Variants in KCNT2 observed in about 807,000 individuals in gnomAD.
KCNT2 encodes the protein potassium channel subfamily T member 2.
A neutral mutation model predicts 153.8 loss-of-function variants in KCNT2; 67 were observed. That is an observed-to-expected ratio of 0.44 (90% confidence interval 0.36 to 0.53). The LOEUF (loss-of-function observed/expected upper bound fraction) is 0.53. Among genes scored for constraint, KCNT2 ranks in the 20% least tolerant of loss-of-function variants. KCNT2 has a pLI of 0.00. For synonymous variants in KCNT2, 500 were observed against 458.8 expected, an observed-to-expected ratio of 1.09 and a Z score of -1.15; for missense variants, 975 against 1,354.8, an observed-to-expected ratio of 0.72 and a Z score of 4.40.
chr1:196,604,789 A>G (rs1665133230), intron 1 of KCNT2, among the ~76,000 whole-genome samples: 1 of 151,930 alleles, frequency 6.6e-6, no homozygotes, highest in South Asian at 2.1e-4. Flanking sequence ...CATACAATAT[A>G]CAATATTTTA....
Position 196,355,040 on chromosome 1 carries a change from C to T in KCNT2, c.1404-12812G>A, listed in dbSNP as rs188294233. 2.0e-3 allele frequency among the ~76,000 whole-genome samples: 303 copies of T among 151,502 alleles called. 6 individuals carry two copies. The East Asian group carries it at 0.041, about 21-fold the overall frequency. On this transcript the variant is annotated intron_variant, in intron 14 of 27. Transcript: ENST00000294725. Reference sequence around the variant, plus strand: ...GGAAAGGTAAATATAATTTACGGTACGGGGGTATGTGGGGTACACAGAAGC... The same window carrying T: ...GGAAAGGTAAATATAATTTACGGTATGGGGGTATGTGGGGTACACAGAAGC...
Position 196,541,271 on chromosome 1 carries a change from G to GA in KCNT2, c.96-48931dup, listed in dbSNP as rs758060836. 4.6e-5 allele frequency among the ~76,000 whole-genome samples: 7 copies of GA among 151,490 alleles called. No individual in the cohort carries two copies. The East Asian group carries it at 1.2e-3, about 25-fold the overall frequency. On this transcript the variant is annotated intron_variant, in intron 1 of 27. Transcript: ENST00000294725. ...TTAAATCAATATGTTGAATACATTT[G>GA]AAAAAAACAGAAATAAAATGAATTA...
intron 8 of KCNT2, among the ~76,000 whole-genome samples, chr1:196,458,811 T>C (rs557684303): frequency 2.0e-5 from 3 of 151,918 alleles, no homozygotes; most frequent in African/African-American, 7.2e-5. Flanking sequence ...CAGGAATAAA[T>C]AATGCTTAAT....
rs756502745 is a variant in KCNT2, at chr1:196,481,454, T to C, written c.324+877A>G. ...TAACATTGCACTTGTACCCCATAAA[T>C]GTATACAACTTTATGAATAAATAAA... On this transcript the variant is annotated intron_variant, in intron 4 of 27. Coordinates refer to ENST00000294725, the MANE Select transcript of KCNT2 (RefSeq NM_198503.5). 5.5e-4 allele frequency among the ~76,000 whole-genome samples: 84 copies of C among 152,210 alleles called. 1 individual carries two copies. Among genetic ancestry groups the C allele is most frequent in the Non-Finnish European group, 2.9e-4 (20 of 68,024 alleles).
chr1:196,281,858 G>A (rs148442577), intron 24 of KCNT2, among the ~76,000 whole-genome samples: 2,327 of 151,378 alleles, frequency 0.015, 22 homozygotes, highest in Middle Eastern at 0.038. Context: ...CTGGGTTCAC[G>A]CCATTCTCAG....
chr1:196,321,487 C>G (rs1663308811), intron 19 of KCNT2, among the ~76,000 whole-genome samples: 1 of 151,948 alleles, frequency 6.6e-6, no homozygotes, highest in Admixed American at 6.6e-5. Flanking sequence ...CAAATTTAAT[C>G]ATTGTTATGC....
chr1:196,335,672 G>A (rs934919995), intron 16 of KCNT2, among the ~76,000 whole-genome samples: 1 of 152,042 alleles, frequency 6.6e-6, no homozygotes, highest in Non-Finnish European at 1.5e-5. Flanking sequence ...ATAATAACAT[G>A]AACTGAAGAA....
At chr1:196,590,125 C>T (rs149987234) in intron 1 of KCNT2, among the ~76,000 whole-genome samples, 107 of 152,214 alleles carry the variant, frequency 7.0e-4, no homozygotes, top group African/African-American at 2.6e-3. Context: ...AAAGTAAACA[C>T]ACTGTGACCC....
chr1:196,502,658 G>A (rs1320522771), intron 1 of KCNT2, among the ~76,000 whole-genome samples: 1 of 151,984 alleles, frequency 6.6e-6, no homozygotes, highest in Non-Finnish European at 1.5e-5. Flanking sequence ...ATAGTCTTGT[G>A]GTTTCCATGG....
chr1:196,394,857 G>C (rs1464048922), intron 13 of KCNT2, among the ~76,000 whole-genome samples: 1 of 151,344 alleles, frequency 6.6e-6, no homozygotes, highest in Non-Finnish European at 1.5e-5. Flanking sequence ...AGTTGATTTA[G>C]TAGACACCTA....
chr1:196,372,498 A>G (rs1489126825), intron 14 of KCNT2, among the ~76,000 whole-genome samples: 1 of 151,966 alleles, frequency 6.6e-6, no homozygotes, highest in Non-Finnish European at 1.5e-5. Flanking sequence ...TATGTTCACT[A>G]GTTATATTTT....
At chr1:196,243,715 T>C (rs1466207314) in intron 26 of KCNT2, among the ~76,000 whole-genome samples, 1 of 152,214 alleles carries the variant, frequency 6.6e-6, no homozygotes, top group African/African-American at 2.4e-5. Context: ...GCCTTGTCAC[T>C]GTGGGCTAAA....
intron 1 of KCNT2, among the ~76,000 whole-genome samples, chr1:196,563,580 T>C (rs919019545): frequency 4.0e-5 from 6 of 151,210 alleles, no homozygotes; most frequent in Non-Finnish European, 1.5e-5. Context: ...GAAAAGAAAA[T>C]TTTAGCATAA....
Position 196,314,262 on chromosome 1 carries a change from G to T in KCNT2, c.2483+1630C>A, listed in dbSNP as rs188160981. 2.0e-5 allele frequency among the ~76,000 whole-genome samples: 3 copies of T among 151,268 alleles called. No individual in the cohort carries two copies. In the East Asian group the frequency reaches 5.8e-4, roughly 29 times the overall value. ...AACATGTTTAATTAAAAAGACCTAG[G>T]ATCCTCTTTTATATAATTAGCTTTT... is the stretch of plus-strand genomic sequence containing the variant. On this transcript the variant is annotated intron_variant, in intron 21 of 27. Coordinates refer to ENST00000294725, the MANE Select transcript of KCNT2 (RefSeq NM_198503.5).
chr1:196,567,574 A>C (rs1558087118), intron 1 of KCNT2, among the ~76,000 whole-genome samples: 1 of 152,222 alleles, frequency 6.6e-6, no homozygotes, highest in African/African-American at 2.4e-5. Context: ...TATCTGGAAG[A>C]ATAGCTCTTA....
intron 25 of KCNT2, among the ~76,000 whole-genome samples, chr1:196,261,170 G>C (rs541693251): frequency 2.0e-5 from 3 of 151,760 alleles, no homozygotes; most frequent in Non-Finnish European, 4.4e-5. Context: ...TATAGTGCTG[G>C]ATACACAACA....
At chr1:196,282,497 G>A in intron 23 of KCNT2, 141 bp from the exon 24 acceptor site, 1 of 511,540 alleles carries the variant, frequency 2.0e-6, no homozygotes. Flanking sequence ...CCATACAAAA[G>A]TAAATTTAAT....
Position 196,305,255 on chromosome 1 carries a change from A to T in KCNT2, c.2574T>A (p.Leu858=). ...TTACCTTTTCCAGTTTTGAAAGAGC[A>T]AGAGAGTAACAGTCTTTGGCTCTGA... ...MQFRAKDCYS[L]ALSKLEKKER... The change falls in exon 22 of 28, where the codon CTT becomes CTA. Residue 858 remains leucine (L), a synonymous_variant. Coordinates refer to ENST00000294725, the MANE Select transcript of KCNT2 (RefSeq NM_198503.5). The T allele has an allele frequency of 1.9e-6, 3 of 1,610,122 alleles. No homozygotes were observed. Among genetic ancestry groups the T allele is most frequent in the Non-Finnish European group, 2.5e-6 (3 of 1,176,788 alleles).
intron 5 of KCNT2, among the ~76,000 whole-genome samples, chr1:196,478,182 A>G (rs564330186): frequency 6.6e-6 from 1 of 152,232 alleles, no homozygotes; most frequent in South Asian, 2.1e-4. Context: ...TTTAGCTTCT[A>G]CCTTCATAAT....
Sources: allele counts gnomAD v4.1 joint callset (sites outside exome capture counted in the v4.1 genomes callset), GRCh38; gene constraint gnomAD v4.1.1; transcripts MANE v1.5; gene names NCBI Gene and HGNC (gene_info 2026-07-23, HGNC 2026-07-21).